The following MYO10 variants were observed in gnomAD, a reference collection of about 807,000 sequenced individuals.
MYO10 encodes the protein myosin X.
A neutral mutation model predicts 257.3 loss-of-function variants in MYO10; 133 were observed. That is an observed-to-expected ratio of 0.52 (90% confidence interval 0.45 to 0.60). MYO10 has a LOEUF of 0.60. Ranked by LOEUF, MYO10 falls within the 20% of genes least tolerant of loss-of-function variation. MYO10 has a pLI of 0.00. For synonymous variants in MYO10, 1,104 were observed against 1,028.6 expected (o/e 1.07, Z -1.40); for missense variants, 2,399 against 2,635.7 (o/e 0.91, Z 1.97).
In MYO10 at chr5:16,702,529, A is replaced by C; in HGVS notation, c.2556+14T>G. On this transcript the variant is annotated intron_variant, in intron 24 of 40. Coordinates refer to ENST00000513610, the MANE Select transcript of MYO10 (RefSeq NM_012334.3). ...TAGAAACACAAGAGGCTAAGTTGTC[A>C]CTGCACTCATTACCTGCTGGGCGCG... 3.1e-6 allele frequency: 5 copies of C among 1,588,176 alleles called. No homozygotes were observed. The highest frequency in any genetic ancestry group is 4.3e-6 in the Non-Finnish European group (5 of 1,166,342).
chr5:16,736,301 G>A lies in MYO10; in HGVS notation c.1929+18527C>T, dbSNP rs112451009. Among the ~76,000 whole-genome samples the A allele has an allele frequency of 4.4e-3, 667 of 152,270 alleles. 7 individuals are homozygous for A. The highest frequency in any genetic ancestry group is 0.015 in the African/African-American group (628 of 41,564). On this transcript the variant is annotated intron_variant, in intron 19 of 40. Transcript: ENST00000513610. ...AGGGAAAGGCTTGAACTCTAAGGAC[G>A]TTGGCAGAGCCCCAGAGTTTATGTA...
At chr5:16,753,463 G>A (rs577509728) in intron 19 of MYO10, among the ~76,000 whole-genome samples, 19 of 144,486 alleles carry the variant, frequency 1.3e-4, no homozygotes, top group African/African-American at 2.4e-4. Context: ...CACCGTGCCC[G>A]GCCTTTTTTT....
At chr5:16,898,077 C>G (rs984169228) in intron 1 of MYO10, among the ~76,000 whole-genome samples, 5 of 152,118 alleles carry the variant, frequency 3.3e-5, no homozygotes, top group African/African-American at 1.2e-4. Flanking sequence ...GTCCCAGCAG[C>G]TGGACCAAGT....
intron 3 of MYO10, among the ~76,000 whole-genome samples, chr5:16,808,774 C>T (rs987545431): frequency 3.9e-5 from 6 of 152,136 alleles, no homozygotes; most frequent in African/African-American, 7.2e-5. Flanking sequence ...CAGGTTCAAG[C>T]GATTCTCCTG....
rs1740783450 is a variant in MYO10, at chr5:16,763,604, T to C, written c.1427+51A>G. On this transcript the variant is annotated intron_variant, in intron 13 of 40. Coordinates refer to ENST00000513610, the MANE Select transcript of MYO10 (RefSeq NM_012334.3). ...TGAAAACATAGCTTCAAAACGAATC[T>C]AGTTGCTGCTTTAAAAAAAAAAATT... 1.0e-5 allele frequency: 16 copies of C among 1,578,756 alleles called. No homozygotes were observed. The South Asian group carries it at 1.7e-4, about 16-fold the overall frequency.
intron 2 of MYO10, among the ~76,000 whole-genome samples, chr5:16,873,182 G>C (rs1228850899): frequency 6.6e-6 from 1 of 152,206 alleles, no homozygotes; most frequent in African/African-American, 2.4e-5. Flanking sequence ...TACAGGTATT[G>C]GGTAAATAAA....
At chr5:16,771,918 T>A (rs1029021231) in intron 9 of MYO10, among the ~76,000 whole-genome samples, 1 of 150,166 alleles carries the variant, frequency 6.7e-6, no homozygotes, top group African/African-American at 2.4e-5. Flanking sequence ...TTGACCCAAC[T>A]CTGTTACTTT....
intron 9 of MYO10, among the ~76,000 whole-genome samples, chr5:16,772,307 T>C (rs1276573398): frequency 1.3e-5 from 2 of 152,100 alleles, no homozygotes; most frequent in Non-Finnish European, 1.5e-5. Flanking sequence ...TAATTTTGTA[T>C]ATTTAGTAGA....
intron 19 of MYO10, among the ~76,000 whole-genome samples, chr5:16,718,403 C>A (rs566171995): frequency 6.6e-6 from 1 of 152,262 alleles, no homozygotes. Context: ...CTAGGTGAAG[C>A]CAGCTGGGCT....
intron 19 of MYO10, among the ~76,000 whole-genome samples, chr5:16,719,925 T>C (rs945717069): frequency 2.6e-5 from 4 of 152,022 alleles, no homozygotes; most frequent in Admixed American, 1.3e-4. Flanking sequence ...GATTGTACCA[T>C]TGCACTCCAG....
At chr5:16,796,609 AT>A (rs1280264186) in intron 3 of MYO10, among the ~76,000 whole-genome samples, 8 of 152,202 alleles carry the variant, frequency 5.3e-5, no homozygotes, top group African/African-American at 1.9e-4. Flanking sequence ...ACTAACTCTG[AT>A]TACCTGGCTT....
intron 19 of MYO10, among the ~76,000 whole-genome samples, chr5:16,718,889 C>A (rs918631514): frequency 1.8e-4 from 28 of 152,134 alleles, no homozygotes; most frequent in African/African-American, 6.5e-4. Flanking sequence ...CGTGGAGAAC[C>A]TTTGTATCTA....
At chr5:16,703,337 A>G (rs1738174106) in intron 22 of MYO10, among the ~76,000 whole-genome samples, 179 bp from the exon 23 acceptor site, 1 of 152,212 alleles carries the variant, frequency 6.6e-6, no homozygotes, top group African/African-American at 2.4e-5. Flanking sequence ...GGAGAAAAAC[A>G]AAGAAATAAT....
intron 19 of MYO10, among the ~76,000 whole-genome samples, chr5:16,720,737 C>T (rs755826612): frequency 2.0e-4 from 31 of 152,196 alleles, no homozygotes; most frequent in Non-Finnish European, 3.4e-4. Context: ...GGATTACAGG[C>T]GTGAGCCACC....
chr5:16,755,291 G>C (rs1560967413), intron 18 of MYO10, among the ~76,000 whole-genome samples: 3 of 152,264 alleles, frequency 2.0e-5, no homozygotes, highest in Admixed American at 2.0e-4. Flanking sequence ...TCAGCCTCCA[G>C]AGTAGCTGGG....
intron 9 of MYO10, among the ~76,000 whole-genome samples, chr5:16,776,428 C>T (rs992298382): frequency 1.3e-5 from 2 of 152,006 alleles, no homozygotes. Flanking sequence ...GCTAAGTTTT[C>T]ATTGATACAC....
chr5:16,855,392 T>A (rs1743932730), intron 2 of MYO10, among the ~76,000 whole-genome samples: 1 of 152,198 alleles, frequency 6.6e-6, no homozygotes, highest in African/African-American at 2.4e-5. Context: ...GAGGCCCATG[T>A]ATTACTTTCC....
At chr5:16,716,981 G>A (rs780948778) in intron 19 of MYO10, among the ~76,000 whole-genome samples, 1 of 152,064 alleles carries the variant, frequency 6.6e-6, no homozygotes, top group Non-Finnish European at 1.5e-5. Context: ...GGGATTACAG[G>A]CATGTGTCAC....
At chr5:16,683,561 A>ATC (rs1229202697) in intron 30 of MYO10, among the ~76,000 whole-genome samples, 2 of 152,230 alleles carry the variant, frequency 1.3e-5, no homozygotes, top group African/African-American at 4.8e-5. Flanking sequence ...TCATTTTCCT[A>ATC]AACAGGCATT....
Sources: gnomAD v4.1 joint callset for allele counts (sites outside exome capture counted in the v4.1 genomes callset) on GRCh38, gnomAD v4.1.1 for gene constraint, MANE v1.5 for transcripts, NCBI Gene and HGNC (gene_info 2026-07-23, HGNC 2026-07-21) for gene names.